Variants in NCOA1 observed in about 807,000 individuals in gnomAD.
NCOA1 encodes the protein Hin-2 protein.
A neutral mutation model predicts 150.9 loss-of-function variants in NCOA1; 35 were observed. The observed-to-expected ratio is 0.23, with a 90% CI of 0.18 to 0.31. The LOEUF is 0.31. NCOA1 is among the 10% of genes least tolerant of loss of function. The pLI is 1.00. For synonymous variants in NCOA1, 590 were observed against 630.0 expected, an observed-to-expected ratio of 0.94 and a Z score of 0.95; for missense variants, 1,491 against 1,749.3, an observed-to-expected ratio of 0.85 and a Z score of 2.63.
chr2:24,654,752 C>A (rs1448014640), intron 4 of NCOA1, among the ~76,000 whole-genome samples: 1 of 152,012 alleles, frequency 6.6e-6, no homozygotes, highest in South Asian at 2.1e-4. Context: ...GTCACTTACT[C>A]CCCCATCCCC....
At chr2:24,608,653 A>G (rs1668478802) in intron 3 of NCOA1, among the ~76,000 whole-genome samples, 1 of 136,914 alleles carries the variant, frequency 7.3e-6, no homozygotes, top group South Asian at 2.3e-4. Flanking sequence ...TTGACACCTT[A>G]TTTAGATTTC....
intron 14 of NCOA1, among the ~76,000 whole-genome samples, chr2:24,716,163 A>T (rs1044363839): frequency 9.3e-4 from 141 of 151,550 alleles, no homozygotes; most frequent in Non-Finnish European, 1.9e-3. Flanking sequence ...AAAAAAAAAA[A>T]ATCTGAGCAG....
intron 14 of NCOA1, among the ~76,000 whole-genome samples, chr2:24,725,737 G>A (rs866756079): frequency 3.4e-4 from 43 of 128,348 alleles, no homozygotes; most frequent in Admixed American, 9.3e-4. Context: ...GTGTGTGTGT[G>A]TGTGTGTGTG....
chr2:24,753,969 C>G (rs1325393646), intron 20 of NCOA1, among the ~76,000 whole-genome samples: 1 of 152,196 alleles, frequency 6.6e-6, no homozygotes, highest in Non-Finnish European at 1.5e-5. Flanking sequence ...TTCACCAGAC[C>G]TGCTCCTCTG....
intron 1 of NCOA1, among the ~76,000 whole-genome samples, chr2:24,534,437 GTC>G (rs1189350184): frequency 6.7e-6 from 1 of 149,534 alleles, no homozygotes; most frequent in East Asian, 1.9e-4. Context: ...GGTTTTTTGT[GTC>G]TCTATCTCCT....
chr2:24,607,916 T>C (rs1049952472), intron 3 of NCOA1, among the ~76,000 whole-genome samples: 15 of 152,164 alleles, frequency 9.9e-5, no homozygotes, highest in African/African-American at 3.6e-4. Context: ...TGCCTACCTG[T>C]ATTTTCTTAT....
intron 3 of NCOA1, among the ~76,000 whole-genome samples, chr2:24,632,171 G>A (rs955486631): frequency 1.3e-5 from 2 of 152,080 alleles, no homozygotes; most frequent in African/African-American, 4.8e-5. Context: ...GAATGGGAGG[G>A]AATATGACAA....
intron 2 of NCOA1, among the ~76,000 whole-genome samples, chr2:24,567,959 G>C (rs532346536): frequency 1.3e-5 from 2 of 152,074 alleles, no homozygotes; most frequent in East Asian, 3.9e-4. Context: ...GGCCAGGCTG[G>C]TCTTGAACTC....
chr2:24,504,689 A>G (rs1186395431), intron 1 of NCOA1, among the ~76,000 whole-genome samples: 2 of 152,214 alleles, frequency 1.3e-5, no homozygotes, highest in African/African-American at 2.4e-5. Context: ...AGGGGTAAGT[A>G]TTATGAATTG....
intron 15 of NCOA1, among the ~76,000 whole-genome samples, chr2:24,727,744 A>C (rs1662771056): frequency 6.6e-6 from 1 of 152,248 alleles, no homozygotes; most frequent in African/African-American, 2.4e-5. Context: ...ACATGTAATC[A>C]GTGAATAATT....
At chr2:24,647,726 AC>A (rs1340288054) in intron 4 of NCOA1, among the ~76,000 whole-genome samples, 2 of 152,144 alleles carry the variant, frequency 1.3e-5, no homozygotes, top group Non-Finnish European at 2.9e-5. Flanking sequence ...TAACTTGTAA[AC>A]TTTTTATTAT....
chr2:24,663,471 A>G (rs1158575099), intron 5 of NCOA1, among the ~76,000 whole-genome samples: 2 of 152,202 alleles, frequency 1.3e-5, no homozygotes, highest in Non-Finnish European at 2.9e-5. Flanking sequence ...GTTATCTGGC[A>G]TATAATAAGT....
At position 24,493,000 on chromosome 2, in the gene NCOA1, C is replaced by G. The variant is rs1030235177; in HGVS notation, c.-396+1398C>G. ...GCAAACAAAACAACAACAATAACAA[C>G]GAAAGTTGGCCAGAGGGGCCTCCTA... is the stretch of plus-strand genomic sequence containing the variant. On this transcript the variant is annotated intron_variant, in intron 1 of 22. Coordinates refer to ENST00000348332, the MANE Select transcript of NCOA1 (RefSeq NM_003743.5). Among the ~76,000 whole-genome samples the G allele has an allele frequency of 4.7e-5, 7 of 148,542 alleles. No homozygotes were observed. In the East Asian group the frequency reaches 1.2e-3, roughly 25 times the overall value.
chr2:24,533,520 G>C (rs1046228885), intron 1 of NCOA1, among the ~76,000 whole-genome samples: 5 of 152,142 alleles, frequency 3.3e-5, no homozygotes, highest in African/African-American at 1.2e-4. Context: ...TCTCTGTCTT[G>C]TGCCGGTTTT....
chr2:24,653,762 C>G (rs565004637), intron 4 of NCOA1, among the ~76,000 whole-genome samples: 1 of 152,070 alleles, frequency 6.6e-6, no homozygotes, highest in South Asian at 2.1e-4. Flanking sequence ...ATGGACATAA[C>G]CTAATTTCAT....
chr2:24,621,518 G>C (rs1281561451), intron 3 of NCOA1, among the ~76,000 whole-genome samples: 2 of 139,176 alleles, frequency 1.4e-5, no homozygotes, highest in Non-Finnish European at 3.0e-5. Flanking sequence ...CAAGGCTGGA[G>C]TGCAATGGTG....
intron 13 of NCOA1, among the ~76,000 whole-genome samples, chr2:24,710,603 A>G (rs553069355): frequency 2.0e-5 from 3 of 152,352 alleles, no homozygotes; most frequent in Admixed American, 1.3e-4. Flanking sequence ...TGCTATCATC[A>G]TAACACAGTA....
chr2:24,550,360 A>C (rs898524981), intron 1 of NCOA1, among the ~76,000 whole-genome samples: 3 of 152,224 alleles, frequency 2.0e-5, no homozygotes, highest in Non-Finnish European at 4.4e-5. Context: ...CAAAAGAAAG[A>C]GGTTTAATGG....
At chr2:24,713,115 C>T (rs1357660965) in intron 14 of NCOA1, among the ~76,000 whole-genome samples, 1 of 151,992 alleles carries the variant, frequency 6.6e-6, no homozygotes, top group African/African-American at 2.4e-5. Flanking sequence ...CCTGTAATCC[C>T]AGCTACTTGG....
Sources: allele counts gnomAD v4.1 joint callset (sites outside exome capture counted in the v4.1 genomes callset), GRCh38; gene constraint gnomAD v4.1.1; transcripts MANE v1.5; gene names NCBI Gene and HGNC (gene_info 2026-07-23, HGNC 2026-07-21).